Variants in SPG7 observed in about 807,000 individuals in gnomAD.
SPG7 encodes the protein mitochondrial inner membrane m-AAA protease component paraplegin.
A neutral mutation model predicts 81.9 loss-of-function variants in SPG7; 103 were observed. The ratio of observed to expected loss-of-function variants is 1.26; its 90% CI spans 1.07 to 1.48. The LOEUF (loss-of-function observed/expected upper bound fraction) is 1.48. Among genes scored for constraint, SPG7 ranks in the 40% most tolerant of loss-of-function variants. The pLI is 0.00. For synonymous variants in SPG7, 534 were observed against 444.2 expected, an observed-to-expected ratio of 1.20 and a Z score of -2.54; for missense variants, 1,241 against 1,087.3, an observed-to-expected ratio of 1.14 and a Z score of -1.99.
intron 3 of SPG7, chr16:89,518,757 G>A (rs1449728944): frequency 1.3e-5 from 2 of 152,224 alleles, no homozygotes; most frequent in East Asian, 1.9e-4. Flanking sequence ...ACACAGATTC[G>A]TGGTTGCTAG....
At chr16:89,553,569 G>A (rs981421483) in intron 14 of SPG7, 12 of 581,016 alleles carry the variant, frequency 2.1e-5, no homozygotes, top group African/African-American at 3.7e-5. Context: ...GTATGCCCCC[G>A]GGTTCTAGAT....
chr16:89,545,791 T>C, intron 10 of SPG7: 1 of 355,244 alleles, frequency 2.8e-6, no homozygotes, highest in Non-Finnish European at 5.6e-6. Flanking sequence ...AGAATAAGCA[T>C]TTGCTGTGTG....
intron 9 of SPG7, among the ~76,000 whole-genome samples, chr16:89,542,802 T>A (rs2058511999): frequency 6.6e-6 from 1 of 151,988 alleles, no homozygotes; most frequent in African/African-American, 2.4e-5. Flanking sequence ...AGGGGCATGA[T>A]CATAGCTCAC....
intron 1 of SPG7, 194 bp downstream of exon 1, chr16:89,508,794 C>CGGGAAGAGGCAGGGCT (rs1567891985): frequency 2.8e-6 from 2 of 723,654 alleles, no homozygotes; most frequent in Non-Finnish European, 2.5e-6. Context: ...CTGGGCGGGC[C>CGGGAAGAGGCAGGGCT]GGGAAGAGGC....
intron 4 of SPG7, among the ~76,000 whole-genome samples, chr16:89,525,395 T>G (rs1199063300): frequency 3.9e-5 from 6 of 152,216 alleles, no homozygotes; most frequent in Non-Finnish European, 8.8e-5. Flanking sequence ...AAGGTTATTT[T>G]AACCTACAAC....
At chr16:89,517,676 A>G (rs1597612138) in intron 3 of SPG7, 1 of 149,770 alleles carries the variant, frequency 6.7e-6, no homozygotes, top group East Asian at 2.0e-4. Context: ...TTGGAGTGCA[A>G]TGCCACGATC....
intron 3 of SPG7, chr16:89,517,441 G>GCTT (rs1193345793): frequency 6.6e-6 from 1 of 152,314 alleles, no homozygotes; most frequent in African/African-American, 2.4e-5. Context: ...CCTGGCATGT[G>GCTT]GTAGGTGCTT....
rs766974968 is a variant in SPG7, at chr16:89,557,108, C to T, written c.*15C>T. On this transcript the variant is annotated 3_prime_UTR_variant, in exon 17 of 17. Transcript: ENST00000645818. ...GGCCCAAGTAGTTGGGAGGTGTTGGCTGCACGTGCGGGTGGTCCGGGAAGT... is the reference window on the plus strand; with the variant it reads ...GGCCCAAGTAGTTGGGAGGTGTTGGTTGCACGTGCGGGTGGTCCGGGAAGT... 5.6e-6 allele frequency: 9 copies of T among 1,606,528 alleles called. No homozygotes were observed. Among genetic ancestry groups the T allele is most frequent in the South Asian group, 1.1e-5 (1 of 90,892 alleles).
intron 9 of SPG7, chr16:89,543,007 G>A (rs1238615273): frequency 1.4e-5 from 2 of 145,396 alleles, no homozygotes; most frequent in African/African-American, 5.1e-5. Flanking sequence ...GAGTGCAGTG[G>A]CGTGATCTCG....
In SPG7 at chr16:89,536,451, CGGTGAGGCG is replaced by C. The variant is rs543538383; in HGVS notation, c.1324+3841_1324+3849del. Among the ~76,000 whole-genome samples, 15,243 of 100,090 alleles carry C rather than the reference CGGTGAGGCG, an allele frequency of 0.15. 3,346 individuals are homozygous for C. The highest frequency in any genetic ancestry group is 0.24 in the Middle Eastern group (39 of 160). The allele number at this position is 100,090 out of a possible 152,430, so 65.7% of individuals were successfully genotyped here. ...TCTGGCCGCAGAGTCTGAGGACTCTCGGTGAGGCGGGTGAGGCGGGTGAGGCGGGTGAGG... is the reference window on the plus strand; with the variant it reads ...TCTGGCCGCAGAGTCTGAGGACTCTCGGTGAGGCGGGTGAGGCGGGTGAGG... On this transcript the variant is annotated intron_variant, in intron 9 of 16. Coordinates refer to ENST00000645818, the MANE Select transcript of SPG7 (RefSeq NM_003119.4).
chr16:89,523,262 T>A, intron 3 of SPG7: 1 of 222,632 alleles, frequency 4.5e-6, no homozygotes, highest in Non-Finnish European at 9.2e-6. Context: ...TCTCATGATA[T>A]TTTTAAGTTC....
chr16:89,513,154 G>C (rs2058045085), intron 3 of SPG7, 117 bp downstream of exon 3: 1 of 1,444,758 alleles, frequency 6.9e-7, no homozygotes, highest in South Asian at 1.2e-5. Context: ...CGGGTGCAGT[G>C]GCTCACACTT....
chr16:89,519,768 C>A (rs544768129), intron 3 of SPG7: 12 of 152,318 alleles, frequency 7.9e-5, no homozygotes, highest in African/African-American at 2.6e-4. Context: ...GAGCCCCTGC[C>A]CCGGAGGCCT....
At chr16:89,540,307 G>C (rs1326302090) in intron 9 of SPG7, 1 of 152,102 alleles carries the variant, frequency 6.6e-6, no homozygotes, top group Admixed American at 6.5e-5. Context: ...AGCAGTGACC[G>C]GCCCAGATCT....
In SPG7 at chr16:89,553,853, G is replaced by A. The variant is rs752989523; in HGVS notation, c.1996G>A (p.Gly666Arg). Reference sequence around the variant, plus strand: ...CGCCTACTCCATGGTGAAGCAGTTTGGGATGGCACCTGGCATCGGGCCCAT... The same window carrying A: ...CGCCTACTCCATGGTGAAGCAGTTTAGGATGGCACCTGGCATCGGGCCCAT... Reference protein sequence around the residue: ...RIAYSMVKQFGMAPGIGPISF... With the variant: ...RIAYSMVKQFRMAPGIGPISF... The change falls in exon 15 of 17, where the codon GGG becomes AGG. Residue 666 changes from glycine to arginine, a missense_variant. Transcript: ENST00000645818. 6.2e-7 allele frequency: 1 copy of A among 1,613,424 alleles called. No homozygotes were observed. Among genetic ancestry groups the A allele is most frequent in the Non-Finnish European group, 8.5e-7 (1 of 1,180,028 alleles).
rs1403004597 is a variant in SPG7 at position 89,526,376 on chromosome 16, T to C, written c.666T>C (p.Phe222=). 1.2e-6 allele frequency: 2 copies of C among 1,614,176 alleles called. No homozygotes were observed. The highest frequency in any genetic ancestry group is 1.7e-6 in the Non-Finnish European group (2 of 1,180,036). ...TGCAGGTTGCAAATATTGACAAGTT[T>C]GAAGAGAAGCTTCGAGCAGCTGAAG... ...YRMQVANIDK[F]EEKLRAAEDE... is the part of the protein sequence containing the mutation. Residue 222 remains phenylalanine, a synonymous_variant, in exon 5 of 17, where the codon TTT becomes TTC. Transcript: ENST00000645818.
At chr16:89,511,684 A>G (rs1430374186) in intron 2 of SPG7, among the ~76,000 whole-genome samples, 1 of 152,008 alleles carries the variant, frequency 6.6e-6, no homozygotes, top group Non-Finnish European at 1.5e-5. Flanking sequence ...GTCTTTGTGA[A>G]GAAAGTTACA....
At position 89,550,616 on chromosome 16, in the gene SPG7, C is replaced by G; in HGVS notation, c.1779+7C>G. 1 of 1,603,694 alleles carries G rather than the reference C, an allele frequency of 6.2e-7. No homozygotes were observed. The highest frequency in any genetic ancestry group is 8.5e-7 in the Non-Finnish European group (1 of 1,171,482). On this transcript the variant is annotated splice_region_variant and intron_variant, in intron 13 of 16. Coordinates refer to ENST00000645818, the MANE Select transcript of SPG7 (RefSeq NM_003119.4). ...CACGGAGGCCGTGATGAAGGTGGGT[C>G]TTGGCAGGTGCCGGCTCCACGGGCC...
In SPG7 at chr16:89,557,027, C is replaced by T. The variant is rs2058694263; in HGVS notation, c.2322C>T (p.Gly774=). Residue 774 remains glycine, a synonymous_variant, in exon 17 of 17, where the codon GGC becomes GGT. Transcript: ENST00000645818. ...CCCAGAGGGAGAAACAGGACTTGGG[C>T]GAGGAGGAGACCGAAGAGACCCAGC... ...IDAQREKQDL[G]EEETEETQQP... 1.9e-6 allele frequency: 3 copies of T among 1,613,084 alleles called. No individual in the cohort carries two copies. Among genetic ancestry groups the T allele is most frequent in the Non-Finnish European group, 2.5e-6 (3 of 1,180,026 alleles).
Sources: gnomAD v4.1 joint callset for allele counts (sites outside exome capture counted in the v4.1 genomes callset) on GRCh38, gnomAD v4.1.1 for gene constraint, MANE v1.5 for transcripts, NCBI Gene and HGNC (gene_info 2026-07-23, HGNC 2026-07-21) for gene names.